PDZRN4: variants seen among roughly 807,000 people sequenced by gnomAD.
PDZRN4 encodes the protein PDZ domain containing ring finger 4.
Under a neutral mutation model 99.0 loss-of-function variants are expected in PDZRN4, and 70 were observed. That is an observed-to-expected ratio of 0.71 (90% CI 0.58 to 0.86). PDZRN4 has a LOEUF of 0.86. Among genes scored for constraint, PDZRN4 ranks in the 40% least tolerant of loss-of-function variants. The pLI is 0.00. For synonymous variants in PDZRN4, 551 were observed against 501.6 expected (o/e 1.10, Z -1.32); for missense variants, 1,474 against 1,331.2 (o/e 1.11, Z -1.67).
At chr12:41,259,345 G>A (rs973043389) in intron 3 of PDZRN4, among the ~76,000 whole-genome samples, 10 of 151,942 alleles carry the variant, frequency 6.6e-5, no homozygotes, top group African/African-American at 1.9e-4. Flanking sequence ...GAAAGAAACC[G>A]TTCATATTAA....
chr12:41,487,764 T>C (rs987305286), intron 3 of PDZRN4, among the ~76,000 whole-genome samples: 2 of 152,192 alleles, frequency 1.3e-5, no homozygotes, highest in Non-Finnish European at 1.5e-5. Flanking sequence ...CTGTCACACT[T>C]GATCACCTCT....
chr12:41,472,106 C>A (rs368581042), intron 3 of PDZRN4, among the ~76,000 whole-genome samples: 1 of 151,616 alleles, frequency 6.6e-6, no homozygotes, highest in Non-Finnish European at 1.5e-5. Context: ...CAGGTTCAAG[C>A]GATTCTCCTG....
At chr12:41,566,726 A>T (rs1306402376) in intron 8 of PDZRN4, among the ~76,000 whole-genome samples, 1 of 152,300 alleles carries the variant, frequency 6.6e-6, no homozygotes, top group African/African-American at 2.4e-5. Context: ...GTAGAAGTTC[A>T]GTTATGTTTA....
intron 3 of PDZRN4, among the ~76,000 whole-genome samples, chr12:41,380,902 G>A (rs1952120267): frequency 6.6e-6 from 1 of 152,022 alleles, no homozygotes; most frequent in African/African-American, 2.4e-5. Context: ...TTCTTGTAAG[G>A]CAATTCTAGT....
At chr12:41,387,302 G>C (rs956355674) in intron 3 of PDZRN4, among the ~76,000 whole-genome samples, 1 of 152,126 alleles carries the variant, frequency 6.6e-6, no homozygotes, top group African/African-American at 2.4e-5. Flanking sequence ...AAAGTGCATA[G>C]GCCGGGTGCA....
chr12:41,570,588 G>GA (rs1939455513), intron 9 of PDZRN4, among the ~76,000 whole-genome samples: 1 of 152,034 alleles, frequency 6.6e-6, no homozygotes, highest in Admixed American at 6.5e-5. Flanking sequence ...TGTAAAATAA[G>GA]AAAAAAATTA....
chr12:41,300,827 T>G (rs1469774348), intron 3 of PDZRN4, among the ~76,000 whole-genome samples: 3 of 151,984 alleles, frequency 2.0e-5, no homozygotes, highest in Non-Finnish European at 2.9e-5. Flanking sequence ...TTGTGTTTTA[T>G]GGAAAGCTTC....
intron 3 of PDZRN4, among the ~76,000 whole-genome samples, chr12:41,463,048 C>A (rs1047406228): frequency 6.6e-6 from 1 of 152,146 alleles, no homozygotes; most frequent in African/African-American, 2.4e-5. Flanking sequence ...TAAAGAATAT[C>A]AAACTATAGC....
chr12:41,357,587 A>T (rs1951936631), intron 3 of PDZRN4, among the ~76,000 whole-genome samples: 1 of 152,006 alleles, frequency 6.6e-6, no homozygotes, highest in Non-Finnish European at 1.5e-5. Flanking sequence ...TCTCCTTATA[A>T]GTTGATCTTA....
chr12:41,464,971 C>A (rs1015264162), intron 3 of PDZRN4, among the ~76,000 whole-genome samples: 1 of 151,822 alleles, frequency 6.6e-6, no homozygotes, highest in Non-Finnish European at 1.5e-5. Context: ...ATTACGAGTG[C>A]CTGTCACCAC....
At chr12:41,439,205 G>T (rs1193558531) in intron 3 of PDZRN4, among the ~76,000 whole-genome samples, 1 of 152,150 alleles carries the variant, frequency 6.6e-6, no homozygotes, top group Non-Finnish European at 1.5e-5. Flanking sequence ...ACAGGAAAAA[G>T]AAGATTAACA....
intron 3 of PDZRN4, among the ~76,000 whole-genome samples, chr12:41,222,159 T>C (rs1366494778): frequency 6.6e-6 from 1 of 152,216 alleles, no homozygotes; most frequent in East Asian, 1.9e-4. Context: ...TAGTCTACCA[T>C]GCAGACTATC....
rs1939537575 is a variant in PDZRN4 at position 41,574,179 on chromosome 12, G to C, written c.*289G>C. On this transcript the variant is annotated 3_prime_UTR_variant, in exon 10 of 10. Coordinates refer to ENST00000402685, the MANE Select transcript of PDZRN4 (RefSeq NM_001164595.2). ...AAAAAAACTTGCACAAAAATACTGAGGAGCCAATTAATTTCCTACTTCAAT... is the reference window on the plus strand; with the variant it reads ...AAAAAAACTTGCACAAAAATACTGACGAGCCAATTAATTTCCTACTTCAAT... The C allele has an allele frequency of 4.5e-6, 1 of 222,830 alleles. No homozygotes were observed. The highest frequency in any genetic ancestry group is 2.3e-5 in the African/African-American group (1 of 44,178). 13.8% of individuals were successfully genotyped at this position (222,830 alleles called of 1,614,324 possible).
chr12:41,266,583 C>A (rs1951278764), intron 3 of PDZRN4, among the ~76,000 whole-genome samples: 1 of 152,146 alleles, frequency 6.6e-6, no homozygotes. Flanking sequence ...TTTAAGAAAT[C>A]TAAGAAATTA....
intron 3 of PDZRN4, among the ~76,000 whole-genome samples, chr12:41,302,635 TGCTG>T (rs1951543609): frequency 6.6e-6 from 1 of 152,150 alleles, no homozygotes; most frequent in Admixed American, 6.6e-5. Flanking sequence ...GTTTCATTCA[TGCTG>T]AATTTGCACA....
At chr12:41,204,047 A>G (rs200695868) in intron 3 of PDZRN4, among the ~76,000 whole-genome samples, 1 of 151,278 alleles carries the variant, frequency 6.6e-6, no homozygotes. Flanking sequence ...AAGGGCTTGT[A>G]GCAAATAAAT....
intron 3 of PDZRN4, among the ~76,000 whole-genome samples, chr12:41,484,510 A>G (rs1646111268): frequency 6.6e-6 from 1 of 152,214 alleles, no homozygotes; most frequent in South Asian, 2.1e-4. Flanking sequence ...CCAAAAACGT[A>G]ATAGGAGCAT....
At chr12:41,460,712 T>TAGG (rs1163325521) in intron 3 of PDZRN4, among the ~76,000 whole-genome samples, 1 of 152,164 alleles carries the variant, frequency 6.6e-6, no homozygotes, top group African/African-American at 2.4e-5. Context: ...GATGTAAATA[T>TAGG]AGGAGGAGGA....
intron 8 of PDZRN4, 50 bp from the exon 9 acceptor site, chr12:41,567,733 A>T (rs12310084): frequency 3.3e-6 from 4 of 1,202,716 alleles, no homozygotes; most frequent in Admixed American, 2.1e-5. Flanking sequence ...CTCTATTTTA[A>T]CATGAGTTCT....
Sources: allele counts gnomAD v4.1 joint callset (sites outside exome capture counted in the v4.1 genomes callset), GRCh38; gene constraint gnomAD v4.1.1; transcripts MANE v1.5; gene names NCBI Gene and HGNC (gene_info 2026-07-23, HGNC 2026-07-21).